The following FBN3 variants were observed in gnomAD, a reference collection of about 807,000 sequenced individuals.
The protein encoded by FBN3 is fibrillin 3.
In FBN3, 234 loss-of-function variants were observed where a neutral mutation model predicts 330.1. The observed-to-expected ratio is 0.71, with a 90% CI of 0.64 to 0.79. FBN3 has a LOEUF of 0.79. FBN3 is among the 30% of genes least tolerant of loss of function. The pLI is 0.00. For missense variants in FBN3, 3,606 were observed against 3,886.9 expected (o/e 0.93, Z 1.92); for synonymous variants, 1,458 against 1,517.3 (o/e 0.96, Z 0.91).
intron 32 of FBN3, among the ~76,000 whole-genome samples, 153 bp downstream of exon 32, chr19:8,111,495 C>T (rs1273428152): frequency 2.6e-5 from 4 of 152,252 alleles, no homozygotes; most frequent in Middle Eastern, 3.4e-3. Flanking sequence ...GCCGCAGCAC[C>T]GCCTGGGCCG....
In FBN3 at chr19:8,086,947, C is replaced by T. The variant is rs943271613; in HGVS notation, c.6754+130G>A. 8.7e-6 allele frequency: 10 copies of T among 1,149,064 alleles called. No homozygotes were observed. In the African/African-American group the frequency reaches 1.6e-4, roughly 18 times the overall value. The allele number at this position is 1,149,064 out of a possible 1,614,324, so 71.2% of individuals were successfully genotyped here. ...CCTCAAATTCCTGGGCTCAAGCGAT[C>T]CTCTCGCCTCAGCCTCCCAAAGTGC... On this transcript the variant is annotated intron_variant, in intron 54 of 63. Coordinates refer to ENST00000600128, the MANE Select transcript of FBN3 (RefSeq NM_032447.5).
intron 13 of FBN3, 25 bp downstream of exon 13, chr19:8,135,936 G>GCCACCCCCCCCCC: frequency 1.5e-6 from 1 of 668,778 alleles, no homozygotes; most frequent in Non-Finnish European, 2.4e-6. Flanking sequence ...GGAAGCCCCT[G>GCCACCCCCCCCCC]CCCACCCGCC....
chr19:8,139,087 G>A lies in FBN3; in HGVS notation c.866-523C>T, dbSNP rs545164285. 6.6e-5 allele frequency among the ~76,000 whole-genome samples: 10 copies of A among 150,528 alleles called. No individual in the cohort carries two copies. In the South Asian group the frequency reaches 1.7e-3, roughly 25 times the overall value. The stretch of plus-strand genomic sequence containing the variant: ...TAAAGGGCCGGGCGCAGTGGCTCAC[G>A]CCTGTAATCTCAGCACTTTGGGAGG... On this transcript the variant is annotated intron_variant, in intron 8 of 63. Transcript: ENST00000600128.
At chr19:8,067,858 T>A (rs2081426255) in intron 63 of FBN3, among the ~76,000 whole-genome samples, 1 of 151,962 alleles carries the variant, frequency 6.6e-6, no homozygotes, top group African/African-American at 2.4e-5. Flanking sequence ...AGCCCAGGAG[T>A]TCGAGACCAG....
rs576126264 is a variant in FBN3, at chr19:8,138,340, T to A, written c.1019-17A>T. 19 of 1,612,138 alleles carry A rather than the reference T, an allele frequency of 1.2e-5. No individual in the cohort carries two copies. The highest frequency in any genetic ancestry group is 1.7e-5 in the Admixed American group (1 of 59,368). On this transcript the variant is annotated splice_polypyrimidine_tract_variant and intron_variant, in intron 9 of 63. Transcript: ENST00000600128. ...GGAATTCATCTGCAAGGAAGCAGGG[T>A]TGAGGCCAGGCCCTTGGCCCTCCCC...
chr19:8,133,147 A>G (rs1019915359), intron 13 of FBN3, 41 bp from the exon 14 acceptor site: 1 of 1,529,204 alleles, frequency 6.5e-7, no homozygotes, highest in Non-Finnish European at 8.8e-7. Context: ...CAGGGACCAC[A>G]CTGGGACCCT....
At position 8,097,416 on chromosome 19, in the gene FBN3, T is replaced by G. The variant is rs758922444; in HGVS notation, c.5162-2A>C. 6.3e-7 allele frequency: 1 copy of G among 1,583,088 alleles called. No individual in the cohort carries two copies. Among genetic ancestry groups the G allele is most frequent in the African/African-American group, 1.3e-5 (1 of 74,554 alleles). On this transcript the variant is annotated splice_acceptor_variant, in intron 41 of 63. Transcript: ENST00000600128. LOFTEE classifies it high-confidence loss of function. Reference sequence around the variant, plus strand: ...GGATCTCCCCACACTCATCAATGTCTGCAGAAGGCATCTGCCATCAGGGGC... The same window carrying G: ...GGATCTCCCCACACTCATCAATGTCGGCAGAAGGCATCTGCCATCAGGGGC...
At chr19:8,101,010 G>C (rs1264778222) in intron 40 of FBN3, 38 bp from the exon 41 acceptor site, 1 of 1,561,772 alleles carries the variant, frequency 6.4e-7, no homozygotes, top group Admixed American at 1.7e-5. Context: ...TGGGGCTGCA[G>C]GCCTGACCCC....
At chr19:8,073,930 C>A (rs1445392854) in intron 61 of FBN3, among the ~76,000 whole-genome samples, 1 of 152,146 alleles carries the variant, frequency 6.6e-6, no homozygotes, top group African/African-American at 2.4e-5. Flanking sequence ...GATCCCCCTA[C>A]CTCAATATCC....
At chr19:8,082,134 C>CT (rs113530025) in intron 57 of FBN3, among the ~76,000 whole-genome samples, 2 of 151,272 alleles carry the variant, frequency 1.3e-5, no homozygotes, top group Admixed American at 6.6e-5. Flanking sequence ...AATTTTTTTT[C>CT]TTTTTTTCTT....
At position 8,109,059 on chromosome 19, in the gene FBN3, C is replaced by G. The variant is rs1046221333; in HGVS notation, c.4618+168G>C. Reference sequence around the variant, plus strand: ...CTTGGAGAGAGGCCCAGCCAATGAACTACCAAGACGTACACTGTGTGACCC... The same window carrying G: ...CTTGGAGAGAGGCCCAGCCAATGAAGTACCAAGACGTACACTGTGTGACCC... On this transcript the variant is annotated intron_variant, in intron 36 of 63. Coordinates refer to ENST00000600128, the MANE Select transcript of FBN3 (RefSeq NM_032447.5). This position sits in a 1 kb window ranked among gnomAD's most constrained non-coding sequence, Gnocchi z 5.2. 5.9e-5 allele frequency among the ~76,000 whole-genome samples: 9 copies of G among 152,158 alleles called. No homozygotes were observed. Among genetic ancestry groups the G allele is most frequent in the African/African-American group, 1.9e-4 (8 of 41,408 alleles).
At chr19:8,141,687 G>C in intron 8 of FBN3, 30 bp downstream of exon 8, 1 of 1,599,878 alleles carries the variant, frequency 6.3e-7, no homozygotes, top group East Asian at 2.2e-5. Flanking sequence ...CACAGAGGAG[G>C]TCTCAGGTTG....
Position 8,112,876 on chromosome 19 carries a change from A to G in FBN3, c.3839-777T>C, listed in dbSNP as rs550349329. Among the ~76,000 whole-genome samples the G allele has an allele frequency of 9.2e-5, 14 of 152,310 alleles. No individual in the cohort carries two copies. In the East Asian group the frequency reaches 1.7e-3, roughly 19 times the overall value. On this transcript the variant is annotated intron_variant, in intron 30 of 63. Transcript: ENST00000600128. ...ATTGTGTTTTAAAAGACAATTTTGGATCAACATCAACAACCTCTAAGAAGT... is the reference window on the plus strand; with the variant it reads ...ATTGTGTTTTAAAAGACAATTTTGGGTCAACATCAACAACCTCTAAGAAGT...
At chr19:8,135,936 G>GGGGGGGGGGGGGCCC in intron 13 of FBN3, 25 bp downstream of exon 13, 4 of 668,746 alleles carry the variant, frequency 6.0e-6, no homozygotes, top group African/African-American at 2.0e-5. Flanking sequence ...GGAAGCCCCT[G>GGGGGGGGGGGGGCCC]CCCACCCGCC....
intron 56 of FBN3, 97 bp from the exon 57 acceptor site, chr19:8,083,469 G>A: frequency 6.8e-7 from 1 of 1,461,654 alleles, no homozygotes; most frequent in South Asian, 1.2e-5. Context: ...TCTCCTCGGA[G>A]GAAAGTCCAG....
In FBN3 at chr19:8,085,528, T is replaced by C. The variant is rs1300574008; in HGVS notation, c.6922A>G (p.Met2308Val). ...GPCFAEVLQT[M>V]CRSLSSSSEA... ...CTGCTGCTGGACAGAGACCGGCACA[T>C]GGTCTGCAGCACCTCGGCAAAGCAG... Residue 2308 changes from methionine (M) to valine (V), a missense_variant, in exon 56 of 64, where the codon ATG becomes GTG. Physicochemically the swap from Met to Val is conservative, Grantham distance 21 (BLOSUM62 1). Coordinates refer to ENST00000600128, the MANE Select transcript of FBN3 (RefSeq NM_032447.5). 1 of 1,593,114 alleles carries C rather than the reference T, an allele frequency of 6.3e-7. No individual in the cohort carries two copies. Among genetic ancestry groups the C allele is most frequent in the Non-Finnish European group, 8.5e-7 (1 of 1,170,386 alleles).
At chr19:8,141,126 C>T (rs74176276) in intron 8 of FBN3, among the ~76,000 whole-genome samples, 2 of 136,496 alleles carry the variant, frequency 1.5e-5, no homozygotes, top group Non-Finnish European at 3.1e-5. Context: ...ACCCAGGAGG[C>T]GGAGCTTGCA....
At chr19:8,124,061 C>A in intron 22 of FBN3, 53 bp from the exon 23 acceptor site, 1 of 1,457,474 alleles carries the variant, frequency 6.9e-7, no homozygotes, top group Non-Finnish European at 9.5e-7. Context: ...GTGCCCACTG[C>A]GGGACAGGCG....
intron 30 of FBN3, among the ~76,000 whole-genome samples, chr19:8,113,851 A>T (rs1163273219): frequency 2.6e-5 from 4 of 151,170 alleles, no homozygotes; most frequent in Admixed American, 2.6e-4. Context: ...CAAAAAAAAA[A>T]AAAAAAATTA....
Sources: gnomAD v4.1 joint callset for allele counts (sites outside exome capture counted in the v4.1 genomes callset) on GRCh38, gnomAD v4.1.1 for gene constraint, Gnocchi (gnomAD v3.1) non-coding constraint, MANE v1.5 for transcripts, NCBI Gene and HGNC (gene_info 2026-07-23, HGNC 2026-07-21) for gene names.